Variants in MTCL3 observed in about 807,000 individuals in gnomAD.
MTCL3 encodes microtubule cross-linking factor 3.
At chr6:127,486,358 C>T in the MTCL3 span, among the ~76,000 whole-genome samples, 1 of 152,064 alleles carries the variant, frequency 6.6e-6, no homozygotes, top group Non-Finnish European at 1.5e-5. Context: ...TTTTCATATT[C>T]CAGTAAGTTT....
the MTCL3 span, chr6:127,515,721 G>A: frequency 6.3e-6 from 10 of 1,590,380 alleles, no homozygotes; most frequent in East Asian, 1.1e-4. This position sits in a 1 kb window ranked among gnomAD's most constrained non-coding sequence, Gnocchi z 4.3. Context: ...TCTCGCAAAC[G>A]GCAGGGGGGC....
the MTCL3 span, among the ~76,000 whole-genome samples, chr6:127,489,151 T>A: frequency 6.6e-6 from 1 of 152,212 alleles, no homozygotes; most frequent in South Asian, 2.1e-4. Context: ...TCATTATTAT[T>A]ATATCCATTA....
the MTCL3 span, among the ~76,000 whole-genome samples, chr6:127,492,308 T>C: frequency 3.2e-5 from 3 of 93,612 alleles, no homozygotes; most frequent in Non-Finnish European, 6.8e-5. Context: ...CTACCAAACA[T>C]TCTTCACCCC....
the MTCL3 span, among the ~76,000 whole-genome samples, chr6:127,490,268 C>T: frequency 6.6e-6 from 1 of 152,142 alleles, no homozygotes; most frequent in Non-Finnish European, 1.5e-5. Flanking sequence ...AAGATTACTG[C>T]TCGTTGATAA....
At chr6:127,485,768 T>G in the MTCL3 span, among the ~76,000 whole-genome samples, 5 of 152,126 alleles carry the variant, frequency 3.3e-5, no homozygotes, top group Non-Finnish European at 7.4e-5. Context: ...ATAAAAAGGA[T>G]GCAATTAGCA....
the MTCL3 span, chr6:127,481,211 G>A: frequency 1.3e-6 from 1 of 753,310 alleles, no homozygotes; most frequent in Non-Finnish European, 1.6e-6. Context: ...TGTAAGAATA[G>A]GACAAATGTA....
At chr6:127,514,743 C>T in the MTCL3 span, 6 of 1,185,042 alleles carry the variant, frequency 5.1e-6, no homozygotes, top group Non-Finnish European at 7.2e-6. Context: ...CCACTGAAGA[C>T]TTCTCAGCCT....
At chr6:127,484,932 C>T in the MTCL3 span, among the ~76,000 whole-genome samples, 7 of 152,130 alleles carry the variant, frequency 4.6e-5, no homozygotes, top group Admixed American at 1.3e-4. Context: ...TCTCTGTGCT[C>T]CTCAGAACAG....
chr6:127,474,155 T>A, the MTCL3 span, among the ~76,000 whole-genome samples: 3 of 148,438 alleles, frequency 2.0e-5, no homozygotes, highest in African/African-American at 4.9e-5. Context: ...CAACTTATGG[T>A]AAAAAAAAAA....
chr6:127,474,663 G>C, the MTCL3 span, among the ~76,000 whole-genome samples: 1 of 151,724 alleles, frequency 6.6e-6, no homozygotes, highest in Admixed American at 6.6e-5. Context: ...CTGCAGCCTC[G>C]ACCTGCCTGG....
chr6:127,497,402 CA>C, the MTCL3 span, among the ~76,000 whole-genome samples: 2 of 152,174 alleles, frequency 1.3e-5, no homozygotes, highest in African/African-American at 2.4e-5. Context: ...TCCAAACATT[CA>C]GGGGAAGAAA....
At chr6:127,516,663 T>C in the MTCL3 span, 1 of 1,547,598 alleles carries the variant, frequency 6.5e-7, no homozygotes, top group South Asian at 1.2e-5. Context: ...TACTAGATCA[T>C]CCTCTTCCCT....
At chr6:127,512,799 A>G in the MTCL3 span, 1 of 1,274,406 alleles carries the variant, frequency 7.8e-7, no homozygotes, top group Non-Finnish European at 1.1e-6. Flanking sequence ...TGCAATCATA[A>G]AAGAAATTTT....
At chr6:127,487,558 CT>C in the MTCL3 span, among the ~76,000 whole-genome samples, 1 of 152,146 alleles carries the variant, frequency 6.6e-6, no homozygotes, top group Non-Finnish European at 1.5e-5. Flanking sequence ...AGAAGTCTTC[CT>C]CTTTTCCTTC....
At chr6:127,481,596 T>A in the MTCL3 span, 1 of 462,800 alleles carries the variant, frequency 2.2e-6, no homozygotes, top group Non-Finnish European at 2.8e-6. Flanking sequence ...TTTGAATATT[T>A]AAAATCACTT....
At chr6:127,514,157 T>A in the MTCL3 span, among the ~76,000 whole-genome samples, 1 of 152,180 alleles carries the variant, frequency 6.6e-6, no homozygotes, top group African/African-American at 2.4e-5. Flanking sequence ...AAAATGCACT[T>A]CAAGGTTGAG....
chr6:127,501,381 A>T, the MTCL3 span, among the ~76,000 whole-genome samples: 1 of 152,186 alleles, frequency 6.6e-6, no homozygotes, highest in Non-Finnish European at 1.5e-5. Context: ...AGTTCTATGA[A>T]AATTTTTCTT....
At chr6:127,499,697 T>C in the MTCL3 span, among the ~76,000 whole-genome samples, 4 of 152,184 alleles carry the variant, frequency 2.6e-5, no homozygotes. Flanking sequence ...GATTCATGCT[T>C]GCTCCTTCTC....
chr6:127,507,064 C>G, the MTCL3 span, among the ~76,000 whole-genome samples: 2 of 151,634 alleles, frequency 1.3e-5, no homozygotes, highest in Admixed American at 1.3e-4. Flanking sequence ...TCAAAGAGTT[C>G]AGGGTTGGAG....
Sources: gnomAD v4.1 joint callset for allele counts (sites outside exome capture counted in the v4.1 genomes callset) on GRCh38, gnomAD v4.1.1 for gene constraint, Gnocchi (gnomAD v3.1) non-coding constraint, MANE v1.5 for transcripts, NCBI Gene and HGNC (gene_info 2026-07-23, HGNC 2026-07-21) for gene names.